The following PLAC1 variants were observed in gnomAD, a reference collection of about 807,000 sequenced individuals.
The protein encoded by PLAC1 is placenta-specific protein 1.
For missense variants in PLAC1, 136 were observed against 163.2 expected, an observed-to-expected ratio of 0.83 and a Z score of 0.91; for synonymous variants, 68 against 62.1, an observed-to-expected ratio of 1.09 and a Z score of -0.44.
chrX:134,735,028 T>C (rs1169684208), intron 1 of PLAC1, among the ~76,000 whole-genome samples: 1 of 111,751 alleles, frequency 8.9e-6, no homozygotes, highest in Non-Finnish European at 1.9e-5. Flanking sequence ...ATGAGAAAAG[T>C]CACCATTCTG....
At chrX:134,722,331 G>A (rs945664328) in intron 2 of PLAC1, among the ~76,000 whole-genome samples, 11 of 112,400 alleles carry the variant, frequency 9.8e-5, no homozygotes, top group Admixed American at 9.4e-5. Context: ...CCATACAATG[G>A]AATATTATTC....
chrX:134,760,316 T>C (rs1167380824), intron 1 of PLAC1: 1 of 111,818 alleles, frequency 8.9e-6, no homozygotes, highest in Non-Finnish European at 1.9e-5. Context: ...CAGATAAACC[T>C]CACTGGCTAT....
At chrX:134,762,848 A>G (rs1462400800) in intron 1 of PLAC1, among the ~76,000 whole-genome samples, 2 of 102,074 alleles carry the variant, frequency 2.0e-5, no homozygotes, top group South Asian at 4.2e-4. Context: ...AAAAAAAAAA[A>G]GAAAAGAAAA....
Position 134,566,136 on chromosome X carries a change from C to A in PLAC1, c.547G>T (p.Ala183Ser). The stretch of plus-strand genomic sequence containing the variant: ...GGCTGCAGAGGTTGAGCCTCCTGAG[C>A]CCCTGCTTGGTGACAAGGGACCTGG... The part of the protein sequence containing the change: ...HTQVPCHQAG[A>S]QEAQPLQPSH... The change falls in exon 3 of 3, where the codon GCT becomes TCT. Residue 183 changes from alanine to serine, a missense_variant. Ala to Ser is a moderately conservative substitution (Grantham distance 99). Coordinates refer to ENST00000359237, the MANE Select transcript of PLAC1 (RefSeq NM_021796.4). 8.3e-7 allele frequency: 1 copy of A among 1,210,592 alleles called. No homozygotes were observed. Among genetic ancestry groups the A allele is most frequent in the Non-Finnish European group, 1.1e-6 (1 of 894,340 alleles).
At chrX:134,622,423 T>C (rs1428040504) in intron 1 of PLAC1, among the ~76,000 whole-genome samples, 1 of 111,579 alleles carries the variant, frequency 9.0e-6, no homozygotes, top group Non-Finnish European at 1.9e-5. Flanking sequence ...AAGCTCTGCT[T>C]TAACCACAGC....
intron 2 of PLAC1, among the ~76,000 whole-genome samples, chrX:134,569,223 T>A (rs2077892699): frequency 9.0e-6 from 1 of 111,558 alleles, no homozygotes; most frequent in African/African-American, 3.3e-5. Context: ...AATTATAAAA[T>A]GTCTAGAATT....
chrX:134,729,201 T>C (rs2078681826), intron 2 of PLAC1, among the ~76,000 whole-genome samples: 1 of 111,975 alleles, frequency 8.9e-6, no homozygotes, highest in African/African-American at 3.2e-5. Context: ...TTCTCTAAAG[T>C]GACCTACTTA....
At chrX:134,656,990 C>T (rs1465807603) in intron 1 of PLAC1, among the ~76,000 whole-genome samples, 1 of 111,833 alleles carries the variant, frequency 8.9e-6, no homozygotes, top group Non-Finnish European at 1.9e-5. Context: ...ATTGTTTCTC[C>T]TAGAGCCTGT....
chrX:134,648,423 C>T (rs2078345414), intron 1 of PLAC1, among the ~76,000 whole-genome samples: 1 of 112,485 alleles, frequency 8.9e-6, no homozygotes, highest in Non-Finnish European at 1.9e-5. Flanking sequence ...TGGGTGCTCA[C>T]ACCTGTAATC....
intron 1 of PLAC1, chrX:134,650,923 T>G (rs2078359300): frequency 5.5e-6 from 1 of 181,227 alleles, no homozygotes; most frequent in Non-Finnish European, 1.2e-5. Flanking sequence ...GAGCCAAAGA[T>G]GAACGTGGAC....
chrX:134,616,704 A>G (rs772391953), intron 1 of PLAC1, among the ~76,000 whole-genome samples: 1 of 111,826 alleles, frequency 8.9e-6, no homozygotes, highest in East Asian at 2.8e-4. Flanking sequence ...GGTTCCACAC[A>G]AATTTTAGAA....
At chrX:134,751,823 G>T (rs751792849) in intron 1 of PLAC1, among the ~76,000 whole-genome samples, 2 of 111,768 alleles carry the variant, frequency 1.8e-5, no homozygotes, top group East Asian at 2.8e-4. Context: ...TTAACTATCT[G>T]CTCTGTATAA....
intron 1 of PLAC1, among the ~76,000 whole-genome samples, chrX:134,736,035 T>C (rs2078702358): frequency 9.2e-6 from 1 of 109,260 alleles, no homozygotes; most frequent in Admixed American, 9.8e-5. Context: ...TCCAGCACTT[T>C]GGGAGGCCGA....
At chrX:134,657,627 T>A (rs756634197) in intron 1 of PLAC1, among the ~76,000 whole-genome samples, 1 of 111,608 alleles carries the variant, frequency 9.0e-6, no homozygotes, top group Non-Finnish European at 1.9e-5. Flanking sequence ...AATGAGAATG[T>A]CCACCCTGAG....
chrX:134,707,377 C>T (rs1033191805), intron 2 of PLAC1, among the ~76,000 whole-genome samples: 25 of 112,375 alleles, frequency 2.2e-4, no homozygotes, highest in African/African-American at 8.1e-4. Flanking sequence ...CATAGGTATA[C>T]ATGTGCCATG....
intron 2 of PLAC1, among the ~76,000 whole-genome samples, chrX:134,597,706 C>T (rs1348747686): frequency 8.9e-6 from 1 of 112,026 alleles, no homozygotes; most frequent in African/African-American, 3.2e-5. Context: ...CACCACTCAG[C>T]CTTTGCATGG....
chrX:134,721,887 A>G (rs1225985359), intron 2 of PLAC1, among the ~76,000 whole-genome samples: 2 of 111,534 alleles, frequency 1.8e-5, no homozygotes, highest in Non-Finnish European at 3.8e-5. Flanking sequence ...TAAAAATAAA[A>G]AAAGGCAGAT....
chrX:134,745,689 T>C (rs2078727579), intron 1 of PLAC1, among the ~76,000 whole-genome samples: 1 of 111,907 alleles, frequency 8.9e-6, no homozygotes, highest in Non-Finnish European at 1.9e-5. Flanking sequence ...AGGGTCCTTT[T>C]CTAAAATGGG....
chrX:134,640,043 T>G (rs911708509), intron 1 of PLAC1, among the ~76,000 whole-genome samples: 1 of 112,293 alleles, frequency 8.9e-6, no homozygotes, highest in African/African-American at 3.2e-5. Context: ...AACACACATG[T>G]GCTTGTACTC....
Sources: gnomAD v4.1 joint callset for allele counts (sites outside exome capture counted in the v4.1 genomes callset) on GRCh38, gnomAD v4.1.1 for gene constraint, MANE v1.5 for transcripts, NCBI Gene and HGNC (gene_info 2026-07-23, HGNC 2026-07-21) for gene names.